The following SMIM14 variants were observed in gnomAD, a reference collection of about 807,000 sequenced individuals.
SMIM14 encodes small integral membrane protein 14, also known as chromosome 4 open reading frame 34.
A neutral mutation model predicts 12.6 loss-of-function variants in SMIM14; 5 were observed. The observed-to-expected ratio is 0.40, with a 90% CI of 0.21 to 0.83. The LOEUF (loss-of-function observed/expected upper bound fraction) is 0.83, where lower values mean the gene tolerates loss of function less well. SMIM14 is among the 40% of genes least tolerant of loss of function. The pLI is 0.37. For synonymous variants in SMIM14, 30 were observed against 40.1 expected (o/e 0.75, Z 0.95); for missense variants, 86 against 119.1 (o/e 0.72, Z 1.29).
intron 1 of SMIM14, among the ~76,000 whole-genome samples, chr4:39,619,865 T>TATAA (rs1323913597): frequency 1.4e-5 from 1 of 72,524 alleles, no homozygotes; most frequent in African/African-American, 5.7e-5. Flanking sequence ...TATATTTATA[T>TATAA]ATATATATAT....
intron 1 of SMIM14, among the ~76,000 whole-genome samples, chr4:39,625,678 T>C (rs558816316): frequency 7.5e-4 from 114 of 152,306 alleles, no homozygotes; most frequent in African/African-American, 2.6e-3. Context: ...TGACCTCTGG[T>C]GATCAGTCTC....
At position 39,579,708 on chromosome 4, in the gene SMIM14, G is replaced by A. The variant is rs146680460; in HGVS notation, c.76-7245C>T. Reference sequence around the variant, plus strand: ...AAAATACAAAAATTAGCCAAGTGTGGTGGTGCGCACCAGTAGTCCCAGCTG... The same window carrying A: ...AAAATACAAAAATTAGCCAAGTGTGATGGTGCGCACCAGTAGTCCCAGCTG... On this transcript the variant is annotated intron_variant, in intron 2 of 4. Coordinates refer to ENST00000295958, the MANE Select transcript of SMIM14 (RefSeq NM_174921.3). Among the ~76,000 whole-genome samples, 525 of 152,132 alleles carry A rather than the reference G, an allele frequency of 3.5e-3. 4 individuals are homozygous for A. Among genetic ancestry groups the A allele is most frequent in the African/African-American group, 0.012 (491 of 41,514 alleles).
intron 1 of SMIM14, among the ~76,000 whole-genome samples, chr4:39,629,449 A>T (rs1322129615): frequency 7.7e-6 from 1 of 129,956 alleles, no homozygotes; most frequent in Non-Finnish European, 1.6e-5. Flanking sequence ...CTTATAAATG[A>T]TTTTTTTTTT....
chr4:39,570,862 T>C (rs1381269588), intron 3 of SMIM14, among the ~76,000 whole-genome samples: 2 of 152,096 alleles, frequency 1.3e-5, no homozygotes, highest in Non-Finnish European at 2.9e-5. Context: ...ATTTTATAAG[T>C]AGTGAAAAAT....
At chr4:39,585,107 A>G (rs972589997) in intron 2 of SMIM14, among the ~76,000 whole-genome samples, 3 of 152,014 alleles carry the variant, frequency 2.0e-5, no homozygotes, top group African/African-American at 7.3e-5. Context: ...ATAAAAGTAT[A>G]TAAGTGCCTA....
chr4:39,601,842 G>A (rs1714625239), intron 2 of SMIM14, among the ~76,000 whole-genome samples: 1 of 151,726 alleles, frequency 6.6e-6, no homozygotes, highest in African/African-American at 2.4e-5. Context: ...AGCTACCTGG[G>A]AGGCTAAAGT....
intron 1 of SMIM14, among the ~76,000 whole-genome samples, chr4:39,626,155 T>C (rs528684635): frequency 1.3e-5 from 2 of 152,250 alleles, no homozygotes; most frequent in East Asian, 1.9e-4. Context: ...GAAAAAATAA[T>C]GTCTGATGAT....
intron 2 of SMIM14, chr4:39,589,476 A>AAATG (rs1713948297): frequency 6.6e-6 from 1 of 152,242 alleles, no homozygotes; most frequent in South Asian, 2.1e-4. Flanking sequence ...TAAAACATAA[A>AAATG]AATGAAGAGG....
rs951631270 is a variant in SMIM14, at chr4:39,546,465, G to C, written c.*5661C>G. 1.2e-4 allele frequency: 18 copies of C among 152,216 alleles called. No individual in the cohort carries two copies. The highest frequency in any genetic ancestry group is 4.1e-4 in the African/African-American group (17 of 41,462). 9.4% of individuals were successfully genotyped at this position (152,216 alleles called of 1,614,324 possible). ...CTCCAATTTTTAAAAATATGATCATGAAAGATAATTGTAGTTGGTGTTTAT... is the reference window on the plus strand; with the variant it reads ...CTCCAATTTTTAAAAATATGATCATCAAAGATAATTGTAGTTGGTGTTTAT... On this transcript the variant is annotated 3_prime_UTR_variant, in exon 5 of 5. Coordinates refer to ENST00000295958, the MANE Select transcript of SMIM14 (RefSeq NM_174921.3).
At chr4:39,620,348 G>A (rs1358943470) in intron 1 of SMIM14, among the ~76,000 whole-genome samples, 4 of 151,924 alleles carry the variant, frequency 2.6e-5, no homozygotes, top group Admixed American at 6.6e-5. Flanking sequence ...GCATGGTGGC[G>A]GGCGCCTGTA....
At chr4:39,554,830 A>AT (rs34845808) in intron 4 of SMIM14, among the ~76,000 whole-genome samples, 1,368 of 123,950 alleles carry the variant, frequency 0.011, 12 homozygotes, top group East Asian at 0.021. Flanking sequence ...AATTCATGGA[A>AT]TTTTTTTTTT....
At chr4:39,569,127 A>G (rs1712733600) in intron 3 of SMIM14, among the ~76,000 whole-genome samples, 2 of 152,202 alleles carry the variant, frequency 1.3e-5, no homozygotes, top group Admixed American at 6.6e-5. Context: ...TGAGCTGTAC[A>G]TTGTAGATTA....
intron 2 of SMIM14, among the ~76,000 whole-genome samples, chr4:39,591,213 A>T (rs982300791): frequency 1.3e-5 from 2 of 151,984 alleles, no homozygotes; most frequent in East Asian, 3.9e-4. Context: ...ATTATTTTTT[A>T]AATATTTTTG....
intron 2 of SMIM14, among the ~76,000 whole-genome samples, chr4:39,574,882 C>G (rs192173490): frequency 6.6e-6 from 1 of 152,196 alleles, no homozygotes; most frequent in Admixed American, 6.5e-5. Context: ...GCCTGTAATT[C>G]TAGCACTTTG....
Position 39,606,639 on chromosome 4 carries a change from CA to C in SMIM14, c.-35-1460del, listed in dbSNP as rs71192881. Among the ~76,000 whole-genome samples the C allele has an allele frequency of 1.0e-3, 132 of 126,048 alleles. 1 individual carries two copies. Among genetic ancestry groups the C allele is most frequent in the African/African-American group, 3.0e-3 (101 of 33,348 alleles). 82.7% of individuals were successfully genotyped at this position (126,048 alleles called of 152,430 possible). On this transcript the variant is annotated intron_variant, in intron 1 of 4. Coordinates refer to ENST00000295958, the MANE Select transcript of SMIM14 (RefSeq NM_174921.3). ...CTGGCGACAGAGCAAGACTCCGTCT[CA>C]AAAAAAAAAAAAAAAAAAGACATTG...
chr4:39,604,477 T>C (rs1324655823), intron 2 of SMIM14, among the ~76,000 whole-genome samples: 1 of 151,454 alleles, frequency 6.6e-6, no homozygotes, highest in African/African-American at 2.4e-5. Context: ...GTGGAGGCTG[T>C]AGTGAGCCGA....
chr4:39,559,885 G>A (rs1712210423), intron 3 of SMIM14, among the ~76,000 whole-genome samples: 1 of 152,020 alleles, frequency 6.6e-6, no homozygotes, highest in African/African-American at 2.4e-5. Context: ...GAGAGGCCAA[G>A]GCGGGCAGAT....
intron 4 of SMIM14, among the ~76,000 whole-genome samples, chr4:39,553,620 T>C (rs1414930322): frequency 6.8e-6 from 1 of 146,224 alleles, no homozygotes; most frequent in Non-Finnish European, 1.5e-5. Flanking sequence ...TGAGATGGAG[T>C]CTCGCTCTTG....
intron 1 of SMIM14, among the ~76,000 whole-genome samples, chr4:39,623,767 C>G (rs1272368007): frequency 6.6e-6 from 1 of 152,078 alleles, no homozygotes; most frequent in Admixed American, 6.6e-5. Context: ...GAGGCTGAGG[C>G]AGGAGAATCA....
Sources: allele counts gnomAD v4.1 joint callset (sites outside exome capture counted in the v4.1 genomes callset), GRCh38; gene constraint gnomAD v4.1.1; transcripts MANE v1.5; gene names NCBI Gene and HGNC (gene_info 2026-07-23, HGNC 2026-07-21).